Variants in KIAA1217 observed in about 807,000 individuals in gnomAD.
KIAA1217 encodes the protein KIAA1217.
KIAA1217 carries 88 observed loss-of-function variants against 163.9 expected under a neutral mutation model. That is an observed-to-expected ratio of 0.54 (90% CI 0.45 to 0.64). The LOEUF (loss-of-function observed/expected upper bound fraction) is 0.64. Ranked by LOEUF, KIAA1217 falls within the 30% of genes least tolerant of loss-of-function variation. The probability of loss-of-function intolerance (pLI) is 0.00; values close to 1 mark genes in which losing one functional copy is unlikely to be tolerated. For missense variants in KIAA1217, 2,372 were observed against 2,475.0 expected (o/e 0.96, Z 0.88); for synonymous variants, 903 against 923.1 (o/e 0.98, Z 0.39).
intron 17 of KIAA1217, among the ~76,000 whole-genome samples, chr10:24,541,253 T>C (rs1280924145): frequency 1.3e-5 from 2 of 150,516 alleles, no homozygotes; most frequent in African/African-American, 4.8e-5. Flanking sequence ...TTTCATATTT[T>C]AAATTTAAAA....
chr10:24,275,747 C>T (rs1165937935), intron 2 of KIAA1217: 1 of 532,748 alleles, frequency 1.9e-6, no homozygotes, highest in Admixed American at 2.0e-5. Flanking sequence ...AGTAATGGCA[C>T]ACACTGCAAT....
At chr10:24,117,300 G>T (rs890101510) in intron 2 of KIAA1217, among the ~76,000 whole-genome samples, 2 of 152,168 alleles carry the variant, frequency 1.3e-5, no homozygotes, top group African/African-American at 4.8e-5. Flanking sequence ...GCCTCCCAAA[G>T]TGCTGGGATT....
intron 2 of KIAA1217, among the ~76,000 whole-genome samples, chr10:24,357,688 G>A (rs1331962746): frequency 1.3e-5 from 2 of 152,206 alleles, no homozygotes; most frequent in Non-Finnish European, 2.9e-5. Context: ...GTGTTCCAAG[G>A]AAGGGGCGTT....
chr10:23,739,658 G>A (rs567118951), intron 1 of KIAA1217, among the ~76,000 whole-genome samples: 1 of 152,232 alleles, frequency 6.6e-6, no homozygotes, highest in East Asian at 1.9e-4. Flanking sequence ...TATGAGCAAA[G>A]GCATGGCATA....
intron 2 of KIAA1217, among the ~76,000 whole-genome samples, chr10:24,315,307 G>C (rs2043210902): frequency 6.6e-6 from 1 of 152,126 alleles, no homozygotes; most frequent in African/African-American, 2.4e-5. Flanking sequence ...GTAAAAAGGA[G>C]CCCAAATTTC....
At chr10:23,761,765 T>C (rs1834271444) in intron 1 of KIAA1217, among the ~76,000 whole-genome samples, 2 of 152,148 alleles carry the variant, frequency 1.3e-5, no homozygotes, top group Non-Finnish European at 2.9e-5. Flanking sequence ...AGACATCTAC[T>C]AGGTCCACTT....
chr10:23,869,984 G>A (rs1238140749), intron 1 of KIAA1217, among the ~76,000 whole-genome samples: 2 of 152,094 alleles, frequency 1.3e-5, no homozygotes, highest in South Asian at 2.1e-4. Flanking sequence ...TTATGTTGAA[G>A]CAACGTTAAG....
chr10:24,224,720 C>T (rs2130943645), intron 2 of KIAA1217, among the ~76,000 whole-genome samples: 1 of 152,078 alleles, frequency 6.6e-6, no homozygotes, highest in South Asian at 2.1e-4. Flanking sequence ...GAATCTTTTA[C>T]TGTTTCACTG....
chr10:23,796,505 AG>A (rs1329262491), intron 1 of KIAA1217, among the ~76,000 whole-genome samples: 1 of 152,098 alleles, frequency 6.6e-6, no homozygotes, highest in Non-Finnish European at 1.5e-5. Flanking sequence ...CTGGGATTAC[AG>A]GTGTGCACTA....
At chr10:24,340,996 C>T (rs1228731728) in intron 2 of KIAA1217, among the ~76,000 whole-genome samples, 3 of 152,070 alleles carry the variant, frequency 2.0e-5, no homozygotes, top group African/African-American at 7.3e-5. Flanking sequence ...TCATGTAATC[C>T]TGAGAAATGC....
chr10:24,215,718 G>A (rs1430137113), intron 1 of KIAA1217, among the ~76,000 whole-genome samples: 2 of 152,234 alleles, frequency 1.3e-5, no homozygotes. Flanking sequence ...TCCAAGAGCT[G>A]AGCCTTGTCG....
intron 5 of KIAA1217, chr10:24,466,775 A>G: frequency 2.0e-6 from 2 of 985,422 alleles, no homozygotes; most frequent in Non-Finnish European, 2.4e-6. Context: ...TACACAGGTG[A>G]TTTCCTTAAG....
chr10:24,112,064 G>A (rs1017327373), intron 2 of KIAA1217, among the ~76,000 whole-genome samples: 4 of 152,156 alleles, frequency 2.6e-5, no homozygotes, highest in African/African-American at 9.7e-5. Flanking sequence ...GACTCCCAAA[G>A]TACTGAGATT....
chr10:23,986,628 A>G (rs1845983617), intron 1 of KIAA1217, among the ~76,000 whole-genome samples: 1 of 152,146 alleles, frequency 6.6e-6, no homozygotes, highest in Admixed American at 6.5e-5. Flanking sequence ...GAGTCCACAT[A>G]CGTGGAACCT....
chr10:24,159,212 G>A (rs1027639609), intron 2 of KIAA1217, among the ~76,000 whole-genome samples: 1 of 152,018 alleles, frequency 6.6e-6, no homozygotes, highest in African/African-American at 2.4e-5. Context: ...AATTTAGATA[G>A]TATTTAATAT....
chr10:24,010,161 A>G (rs2131487432), intron 2 of KIAA1217, among the ~76,000 whole-genome samples: 1 of 152,146 alleles, frequency 6.6e-6, no homozygotes, highest in East Asian at 1.9e-4. Flanking sequence ...GTTTCAGAAA[A>G]CCTGGACTGT....
At chr10:24,232,796 C>G (rs2071598434) in intron 2 of KIAA1217, among the ~76,000 whole-genome samples, 1 of 151,782 alleles carries the variant, frequency 6.6e-6, no homozygotes, top group South Asian at 2.1e-4. Flanking sequence ...TATTAGGGAT[C>G]TACATTTCGA....
intron 2 of KIAA1217, among the ~76,000 whole-genome samples, chr10:24,276,937 A>G (rs2077369912): frequency 6.6e-6 from 1 of 150,568 alleles, no homozygotes; most frequent in African/African-American, 2.4e-5. Flanking sequence ...AAAAATAAAA[A>G]TCGTAGAGAT....
intron 1 of KIAA1217, among the ~76,000 whole-genome samples, chr10:23,859,524 C>A (rs1025842609): frequency 1.2e-4 from 18 of 152,134 alleles, no homozygotes; most frequent in African/African-American, 4.3e-4. Flanking sequence ...TTGAAGCATT[C>A]CTTGCTCTAG....
Sources: allele counts gnomAD v4.1 joint callset (sites outside exome capture counted in the v4.1 genomes callset), GRCh38; gene constraint gnomAD v4.1.1; transcripts MANE v1.5; gene names NCBI Gene and HGNC (gene_info 2026-07-23, HGNC 2026-07-21).